MSTO1: variants seen among roughly 807,000 people sequenced by gnomAD.
MSTO1 encodes the protein protein misato homolog 1.
MSTO1 carries 24 observed loss-of-function variants against 55.7 expected under a neutral mutation model. The ratio of observed to expected loss-of-function variants is 0.43; its 90% CI spans 0.31 to 0.61. MSTO1 has a LOEUF of 0.61. Ranked by LOEUF, MSTO1 falls within the 20% of genes least tolerant of loss-of-function variation. The pLI is 0.09. For missense variants in MSTO1, 363 were observed against 625.7 expected, an observed-to-expected ratio of 0.58 and a Z score of 4.48; for synonymous variants, 162 against 252.8, an observed-to-expected ratio of 0.64 and a Z score of 3.41.
the MSTO1 span, among the ~76,000 whole-genome samples, chr1:155,597,210 T>A: frequency 6.6e-6 from 1 of 152,134 alleles, no homozygotes; most frequent in South Asian, 2.1e-4. Context: ...GGCTGACGCC[T>A]GTAATTGCAG....
At chr1:155,608,955 C>G (rs1363254658), upstream of MSTO1, among the ~76,000 whole-genome samples, 1 of 148,670 alleles carries the variant, frequency 6.7e-6, no homozygotes, top group East Asian at 2.0e-4. Context: ...TCCTGAGCAG[C>G]TGGGAGTACA....
At chr1:155,573,673 A>G in the MSTO1 span, among the ~76,000 whole-genome samples, 2 of 152,008 alleles carry the variant, frequency 1.3e-5, no homozygotes, top group Non-Finnish European at 2.9e-5. Context: ...CCCTGACTCT[A>G]CTAAAAATAC....
At chr1:155,578,641 G>C in the MSTO1 span, among the ~76,000 whole-genome samples, 1 of 150,352 alleles carries the variant, frequency 6.7e-6, no homozygotes, top group African/African-American at 2.4e-5. Context: ...CTCCCGAGTA[G>C]CTGGGACTAC....
rs1178191886 is a variant in MSTO1, at chr1:155,614,922, T to G, written c.*649T>G. 6 of 1,293,852 alleles carry G rather than the reference T, an allele frequency of 4.6e-6. No homozygotes were observed. The highest frequency in any genetic ancestry group is 2.0e-5 in the Admixed American group (1 of 50,720). The allele number at this position is 1,293,852 out of a possible 1,614,324, so 80.1% of individuals were successfully genotyped here. On this transcript the variant is annotated 3_prime_UTR_variant, in exon 14 of 14. Coordinates refer to ENST00000245564, the MANE Select transcript of MSTO1 (RefSeq NM_018116.4). ...CTGATCCTTAGTAACATGTTAACAT[T>G]TATGAAGCACTATATATTGATTTGC...
upstream of MSTO1, among the ~76,000 whole-genome samples, chr1:155,606,529 G>A (rs1411130114): frequency 6.6e-6 from 1 of 151,526 alleles, no homozygotes; most frequent in Admixed American, 6.6e-5. Flanking sequence ...CGAGGAGCTG[G>A]GACCACAGGC....
At chr1:155,568,377 C>CA in the MSTO1 span, among the ~76,000 whole-genome samples, 1 of 151,106 alleles carries the variant, frequency 6.6e-6, no homozygotes, top group East Asian at 2.0e-4. Flanking sequence ...CGCGCCCAGC[C>CA]AAAAAAAATT....
the MSTO1 span, among the ~76,000 whole-genome samples, chr1:155,587,443 A>G: frequency 6.8e-6 from 1 of 146,892 alleles, no homozygotes; most frequent in Non-Finnish European, 1.5e-5. Flanking sequence ...ACGTCTCAAA[A>G]AAAAAAAAAA....
chr1:155,610,075 A>T, upstream of MSTO1: 1 of 655,860 alleles, frequency 1.5e-6, no homozygotes, highest in Non-Finnish European at 2.5e-6. Flanking sequence ...GGACTGGGCC[A>T]CGTCTAGGAA....
At chr1:155,572,736 C>T in the MSTO1 span, among the ~76,000 whole-genome samples, 5 of 151,838 alleles carry the variant, frequency 3.3e-5, no homozygotes, top group South Asian at 2.1e-4. Context: ...CTGCAACCTC[C>T]GCCTCCTGGG....
chr1:155,601,821 C>A, the MSTO1 span, among the ~76,000 whole-genome samples: 2 of 152,070 alleles, frequency 1.3e-5, no homozygotes, highest in East Asian at 1.9e-4. Context: ...GTGGCGCAAT[C>A]TCGGTTCACT....
chr1:155,602,391 G>T, the MSTO1 span, among the ~76,000 whole-genome samples: 1 of 152,132 alleles, frequency 6.6e-6, no homozygotes, highest in Non-Finnish European at 1.5e-5. Context: ...CAGGAGAATC[G>T]CTTGAACCCA....
At position 155,612,559 on chromosome 1, in the gene MSTO1, C is replaced by T. The variant is rs778583026; in HGVS notation, c.955C>T (p.Leu319=). 15 of 1,611,272 alleles carry T rather than the reference C, an allele frequency of 9.3e-6. No individual in the cohort carries two copies. Among genetic ancestry groups the T allele is most frequent in the African/African-American group, 1.3e-5 (1 of 74,732 alleles). ...CGAGCCACCTGTCAGCTTCCCTTAC[C>T]TGCATTATGATGTAAGTCTCGGTGC... is the stretch of plus-strand genomic sequence containing the variant. ...RPEPPVSFPY[L]HYDATLPFHC... Residue 319 remains leucine (L), a synonymous_variant, in exon 9 of 14, where the codon CTG becomes TTG. Coordinates refer to ENST00000245564, the MANE Select transcript of MSTO1 (RefSeq NM_018116.4).
chr1:155,577,110 A>T, the MSTO1 span, among the ~76,000 whole-genome samples: 4 of 135,378 alleles, frequency 3.0e-5, no homozygotes, highest in Admixed American at 3.1e-4. Context: ...GTTTTTTGAG[A>T]TGGAGTCTCG....
chr1:155,606,353 C>A (rs2148975118), upstream of MSTO1, among the ~76,000 whole-genome samples: 1 of 150,562 alleles, frequency 6.6e-6, no homozygotes, highest in South Asian at 2.1e-4. Flanking sequence ...AACCACTGTG[C>A]CTGGCCAAGA....
At chr1:155,586,617 T>C in the MSTO1 span, 1 of 470,764 alleles carries the variant, frequency 2.1e-6, no homozygotes, top group Non-Finnish European at 4.1e-6. Flanking sequence ...TTTTTTCCCA[T>C]TTGTGCTTTA....
At chr1:155,575,832 ATTTATTTT>A in the MSTO1 span, among the ~76,000 whole-genome samples, 6 of 140,968 alleles carry the variant, frequency 4.3e-5, no homozygotes, top group African/African-American at 1.6e-4. Flanking sequence ...TTATTTATTT[ATTTATTTT>A]TGAGACAGAG....
At chr1:155,612,600 G>A (rs766688435) in intron 9 of MSTO1, 30 bp downstream of exon 9, 9 of 1,588,852 alleles carry the variant, frequency 5.7e-6, no homozygotes, top group South Asian at 3.4e-5. Context: ...TTCTGACTGC[G>A]GCAGGCTACA....
chr1:155,591,062 C>T, the MSTO1 span: 16 of 1,613,652 alleles, frequency 9.9e-6, no homozygotes, highest in Middle Eastern at 1.7e-4. Flanking sequence ...AGCAGTGAGT[C>T]GTACACCTTG....
chr1:155,586,881 G>A, the MSTO1 span, among the ~76,000 whole-genome samples: 1 of 152,156 alleles, frequency 6.6e-6, no homozygotes, highest in Non-Finnish European at 1.5e-5. Context: ...CCAAGTAGCT[G>A]GGATTACAGA....
Sources: gnomAD v4.1 joint callset for allele counts (sites outside exome capture counted in the v4.1 genomes callset) on GRCh38, gnomAD v4.1.1 for gene constraint, MANE v1.5 for transcripts, NCBI Gene and HGNC (gene_info 2026-07-23, HGNC 2026-07-21) for gene names.